The following NDRG2 variants were observed in gnomAD, a reference collection of about 807,000 sequenced individuals.
NDRG2 encodes NDRG family member 2, also known as protein NDRG2.
In NDRG2, 34 loss-of-function variants were observed where a neutral mutation model predicts 58.2. The ratio of observed to expected loss-of-function variants is 0.58; its 90% CI spans 0.44 to 0.78. The LOEUF (loss-of-function observed/expected upper bound fraction) is 0.78, where lower values mean the gene tolerates loss of function less well. NDRG2 is among the 30% of genes least tolerant of loss of function. The probability of loss-of-function intolerance (pLI) is 0.00; values close to 1 mark genes in which losing one functional copy is unlikely to be tolerated. For missense variants in NDRG2, 434 were observed against 471.2 expected (o/e 0.92, Z 0.73); for synonymous variants, 187 against 175.9 (o/e 1.06, Z -0.50).
intron 1 of NDRG2, among the ~76,000 whole-genome samples, chr14:21,066,663 G>C (rs891976537): frequency 6.6e-6 from 1 of 152,182 alleles, no homozygotes; most frequent in Non-Finnish European, 1.5e-5. Context: ...AGATTACTCT[G>C]GCTATGGTGC....
chr14:21,029,586 G>A (rs1041628659), upstream of NDRG2, among the ~76,000 whole-genome samples: 3 of 152,150 alleles, frequency 2.0e-5, no homozygotes, highest in Admixed American at 6.5e-5. Flanking sequence ...AACAGACAGC[G>A]AGACTCCATC....
intron 6 of NDRG2, chr14:21,021,482 G>C: frequency 3.0e-6 from 1 of 336,604 alleles, no homozygotes; most frequent in Non-Finnish European, 5.6e-6. Context: ...GAGTGGGAGA[G>C]AAAGAGACAG....
chr14:21,022,236 C>T, intron 4 of NDRG2, 54 bp from the exon 5 acceptor site: 1 of 1,613,456 alleles, frequency 6.2e-7, no homozygotes, highest in Non-Finnish European at 8.5e-7. Context: ...ACTCGTGTCC[C>T]CCAGTCAGAA....
chr14:21,070,716 T>C lies in NDRG2; in HGVS notation c.24+112A>G, dbSNP rs1393618333. On this transcript the variant is annotated intron_variant, in intron 1 of 14. Transcript: ENST00000403829. The surrounding 1 kb of genome is among the most constrained non-coding windows in gnomAD (Gnocchi z 4.7). Reference sequence around the variant, plus strand: ...TGTCCTGACCTGTGCCTTCCTTTCCTGGAGCTTCCCTCCCCCTCCTGGTCC... The same window carrying C: ...TGTCCTGACCTGTGCCTTCCTTTCCCGGAGCTTCCCTCCCCCTCCTGGTCC... The C allele has an allele frequency of 1.6e-6, 2 of 1,263,232 alleles. No individual in the cohort carries two copies. The highest frequency in any genetic ancestry group is 2.1e-5 in the Admixed American group (1 of 47,872). 78.3% of individuals were successfully genotyped at this position (1,263,232 alleles called of 1,614,324 possible).
At position 21,022,408 on chromosome 14, in the gene NDRG2, G is replaced by T. The variant is rs769551465; in HGVS notation, c.207C>A (p.His69Gln). 5.6e-6 allele frequency: 9 copies of T among 1,613,592 alleles called. No individual in the cohort carries two copies. The Admixed American group carries it at 1.0e-4, about 18-fold the overall frequency. ...KPKRPAILTY[H>Q]DVGLNYKSCF... ...GGTCCTTACAGTTGAGTCCCACATC[G>T]TGGTAGGTAAGGATCGCTGGGCGTT... Residue 69 changes from histidine (H) to glutamine (Q), a missense_variant, in exon 4 of 16, where the codon CAC becomes CAA. Physicochemically the swap from His to Gln is conservative, Grantham distance 24. Coordinates refer to ENST00000556147, the MANE Select transcript of NDRG2 (RefSeq NM_001320329.2).
In NDRG2 at chr14:21,017,973, G is replaced by A. The variant is rs759300085; in HGVS notation, c.949+14C>T. On this transcript the variant is annotated intron_variant, in intron 15 of 15. Coordinates refer to ENST00000556147, the MANE Select transcript of NDRG2 (RefSeq NM_001320329.2). ...CTCTCCTCTAGTGCAGCAAGCTCTT[G>A]TCCCGATACTCACTGTAGCCCATGC... 3.1e-6 allele frequency: 5 copies of A among 1,614,200 alleles called. No homozygotes were observed. Among genetic ancestry groups the A allele is most frequent in the Admixed American group, 1.7e-5 (1 of 60,032 alleles).
upstream of NDRG2, chr14:21,025,816 GAGAGGATGGCCAACAGGGACTCT>G: frequency 1.5e-6 from 1 of 683,604 alleles, no homozygotes; most frequent in Non-Finnish European, 1.8e-6. This position sits in a 1 kb window ranked among gnomAD's most constrained non-coding sequence, Gnocchi z 5.1. Context: ...GGGGGGTGGG[GAGAGGATGGCCAACAGGGACTCT>G]GGGGTCAATG....
chr14:21,036,240 G>C (rs1269055254), intron 1 of NDRG2: 2 of 456,222 alleles, frequency 4.4e-6, no homozygotes, highest in African/African-American at 4.0e-5. Flanking sequence ...ACTCCAGTAA[G>C]ACTCAACTCA....
chr14:21,024,645 C>A lies in NDRG2; in HGVS notation c.-622G>T, dbSNP rs1445501349. On this transcript the variant is annotated 5_prime_UTR_variant, in exon 1 of 16. Transcript: ENST00000556147. ...GTGGAGAAAGGGAGAGGAGAGCGGTCCCACAATCTTCTCCCGTTCTCCCCC... is the reference window on the plus strand; with the variant it reads ...GTGGAGAAAGGGAGAGGAGAGCGGTACCACAATCTTCTCCCGTTCTCCCCC... The A allele has an allele frequency of 3.0e-6, 3 of 985,350 alleles. No individual in the cohort carries two copies. The African/African-American group carries it at 5.2e-5, about 17-fold the overall frequency. The allele number at this position is 985,350 out of a possible 1,614,324, so 61.0% of individuals were successfully genotyped here.
intron 1 of NDRG2, among the ~76,000 whole-genome samples, chr14:21,040,237 G>A (rs981735552): frequency 2.6e-5 from 4 of 152,186 alleles, no homozygotes; most frequent in African/African-American, 9.7e-5. Context: ...AGAAGAGCCA[G>A]AGGCCTGTGT....
At chr14:21,026,304 C>T (rs566757701), upstream of NDRG2, among the ~76,000 whole-genome samples, 1 of 151,360 alleles carries the variant, frequency 6.6e-6, no homozygotes, top group Non-Finnish European at 1.5e-5. Context: ...CCACCTGCCC[C>T]CCTTGTAGCT....
At chr14:21,053,799 G>T (rs1175322885) in intron 1 of NDRG2, among the ~76,000 whole-genome samples, 1 of 151,826 alleles carries the variant, frequency 6.6e-6, no homozygotes, top group African/African-American at 2.4e-5. Context: ...GCAAGACCCT[G>T]CCTTAAAAAA....
chr14:21,029,429 C>T (rs776058247), upstream of NDRG2, among the ~76,000 whole-genome samples: 1 of 151,978 alleles, frequency 6.6e-6, no homozygotes, highest in African/African-American at 2.4e-5. Flanking sequence ...GGCAAAACCC[C>T]GTCTCTACTA....
Position 21,018,466 on chromosome 14 carries a change from C to A in NDRG2, c.852G>T (p.Ser284=). The change falls in exon 13 of 16, where the codon TCG becomes TCT. Residue 284 remains serine (S), a synonymous_variant. Coordinates refer to ENST00000556147, the MANE Select transcript of NDRG2 (RefSeq NM_001320329.2). Reference sequence around the variant, plus strand: ...GGAACAGGTTACTGACCTTGAGGAACGAGGTCTGGGTGGGGTCCAGTTTTG... The same window carrying A: ...GGAACAGGTTACTGACCTTGAGGAAAGAGGTCTGGGTGGGGTCCAGTTTTG... ...CNSKLDPTQT[S]FLKMADSGGQ... 2 of 1,613,966 alleles carry A rather than the reference C, an allele frequency of 1.2e-6. No individual in the cohort carries two copies. The highest frequency in any genetic ancestry group is 1.7e-6 in the Non-Finnish European group (2 of 1,179,942).
chr14:21,059,065 C>T (rs1885816629), intron 1 of NDRG2, among the ~76,000 whole-genome samples: 1 of 152,198 alleles, frequency 6.6e-6, no homozygotes, highest in Non-Finnish European at 1.5e-5. Flanking sequence ...GTGGCCCCCT[C>T]TCATGTGAAG....
chr14:21,029,960 C>T (rs756632472), upstream of NDRG2, among the ~76,000 whole-genome samples: 5 of 152,296 alleles, frequency 3.3e-5, no homozygotes, highest in Non-Finnish European at 7.4e-5. Context: ...TCCCTGGGCT[C>T]GCCTCAGCTT....
chr14:21,034,305 G>A (rs779290980), intron 1 of NDRG2: 30 of 1,588,560 alleles, frequency 1.9e-5, no homozygotes, highest in Non-Finnish European at 2.5e-5. Context: ...TGCTGGTAGA[G>A]TTAAGGTGGT....
chr14:21,061,127 G>A (rs4982399), intron 1 of NDRG2, among the ~76,000 whole-genome samples: 26,735 of 152,068 alleles, frequency 0.18, 2,552 homozygotes, highest in African/African-American at 0.22. Flanking sequence ...ATTCTGTAAC[G>A]TTTTTCTCCC....
intron 1 of NDRG2, among the ~76,000 whole-genome samples, chr14:21,037,126 A>C (rs1281541822): frequency 6.7e-6 from 1 of 148,576 alleles, no homozygotes; most frequent in Non-Finnish European, 1.5e-5. Context: ...CGCTCCCCCC[A>C]CCCAACACCA....
Sources: gnomAD v4.1 joint callset for allele counts (sites outside exome capture counted in the v4.1 genomes callset) on GRCh38, gnomAD v4.1.1 for gene constraint, Gnocchi (gnomAD v3.1) non-coding constraint, MANE v1.5 for transcripts, NCBI Gene and HGNC (gene_info 2026-07-23, HGNC 2026-07-21) for gene names.